The following PRR12 variants were observed in gnomAD, a reference collection of about 807,000 sequenced individuals.
PRR12 encodes the protein proline-rich protein 12.
A neutral mutation model predicts 138.0 loss-of-function variants in PRR12; 12 were observed. The ratio of observed to expected loss-of-function variants is 0.09; its 90% confidence interval spans 0.06 to 0.14. PRR12 has a LOEUF of 0.14. PRR12 is among the 10% of genes least tolerant of loss of function. PRR12 has a pLI of 1.00. For missense variants in PRR12, 2,692 were observed against 2,861.3 expected, an observed-to-expected ratio of 0.94 and a Z score of 1.35; for synonymous variants, 1,567 against 1,291.7, an observed-to-expected ratio of 1.21 and a Z score of -4.57.
chr19:49,616,113 G>A lies in PRR12; in HGVS notation c.5391G>A (p.Lys1797=). 1 of 1,567,646 alleles carries A rather than the reference G, an allele frequency of 6.4e-7. No individual in the cohort carries two copies. Among genetic ancestry groups the A allele is most frequent in the Non-Finnish European group, 8.6e-7 (1 of 1,156,848 alleles). ...TKVKAEPPPK[K]RKKWLKEAGG... is the part of the protein sequence containing the mutation. ...TGAAGGCTGAACCGCCCCCTAAGAA[G>A]AGGAAGAAATGGCTGAAGGAGGCAG... The change falls in exon 9 of 14, where the codon AAG becomes AAA. Residue 1797 remains lysine, a synonymous_variant. Coordinates refer to ENST00000418929, the MANE Select transcript of PRR12 (RefSeq NM_020719.3). This position sits in a 1 kb window ranked among gnomAD's most constrained non-coding sequence, Gnocchi z 4.2.
At chr19:49,605,017 A>G (rs922817422) in intron 6 of PRR12, among the ~76,000 whole-genome samples, 63 of 151,696 alleles carry the variant, frequency 4.2e-4, no homozygotes, top group African/African-American at 1.5e-3. Flanking sequence ...TGGTTGGCTA[A>G]ATTTTGTATT....
chr19:49,597,266 C>A lies in PRR12; in HGVS notation c.2931C>A (p.Gly977=). 1 of 1,570,356 alleles carries A rather than the reference C, an allele frequency of 6.4e-7. No homozygotes were observed. Among genetic ancestry groups the A allele is most frequent in the Non-Finnish European group, 8.6e-7 (1 of 1,159,046 alleles). The part of the protein sequence containing the change: ...PPEDEGDPKA[G]AGPPPGPPAY... ...AGGACGAGGGGGACCCCAAGGCTGG[C>A]GCTGGGCCACCCCCCGGCCCCCCTG... Residue 977 remains glycine (G), a synonymous_variant, in exon 4 of 14, where the codon GGC becomes GGA. Coordinates refer to ENST00000418929, the MANE Select transcript of PRR12 (RefSeq NM_020719.3). This position sits in a 1 kb window ranked among gnomAD's most constrained non-coding sequence, Gnocchi z 6.3.
chr19:49,611,163 A>G (rs112639952), intron 6 of PRR12, among the ~76,000 whole-genome samples: 2,809 of 152,166 alleles, frequency 0.018, 88 homozygotes, highest in African/African-American at 0.063. Flanking sequence ...TTGCCACAAA[A>G]AATACAAAAA....
rs780071942 is a variant in PRR12 at position 49,595,096 on chromosome 19, C to T, written c.761C>T (p.Ala254Val). The change falls in exon 4 of 14, where the codon GCC becomes GTC. Residue 254 changes from alanine (A) to valine (V), a missense_variant. By Grantham distance (64) the Ala-to-Val change is moderately conservative (BLOSUM62 0). Around this residue, in one of 11 missense-constraint regions of PRR12, gnomAD observed 523 missense variants for 496.4 expected, o/e 1.05. Coordinates refer to ENST00000418929, the MANE Select transcript of PRR12 (RefSeq NM_020719.3). ...QFNLLASSSA[A>V]AAAAEQSSPQ... is the part of the protein sequence containing the mutation. ...AACCTGCTGGCTTCCTCTTCCGCTG[C>T]CGCCGCCGCTGCCGAGCAGTCCTCC... 1 of 1,611,604 alleles carries T rather than the reference C, an allele frequency of 6.2e-7. No individual in the cohort carries two copies. Among genetic ancestry groups the T allele is most frequent in the East Asian group, 2.2e-5 (1 of 44,842 alleles).
Position 49,595,232 on chromosome 19 carries a change from G to GCCCCCC in PRR12, c.902_903insCCCCCC (p.Pro305_Pro306dup). ...ACTACCAGCGGCCAGCCAGTGCCCA[G>GCCCCCC]CCCCCACCACCCCCGCCACCAGCCC... is the stretch of plus-strand genomic sequence containing the variant. On this transcript the variant is annotated inframe_insertion, in exon 4 of 14. Transcript: ENST00000418929. The GCCCCCC allele has an allele frequency of 3.9e-6, 6 of 1,531,858 alleles. No individual in the cohort carries two copies. Among genetic ancestry groups the GCCCCCC allele is most frequent in the Non-Finnish European group, 5.3e-6 (6 of 1,132,764 alleles). 94.9% of individuals were successfully genotyped at this position (1,531,858 alleles called of 1,614,324 possible). A position where few individuals can be genotyped will look rare whatever the true frequency, so the allele number is the denominator to read the frequency against.
Position 49,625,073 on chromosome 19 carries a change from G to A in PRR12, c.5869-32G>A, listed in dbSNP as rs1157325761. 6.2e-7 allele frequency: 1 copy of A among 1,612,448 alleles called. No homozygotes were observed. Among genetic ancestry groups the A allele is most frequent in the East Asian group, 2.2e-5 (1 of 44,850 alleles). On this transcript the variant is annotated intron_variant, in intron 12 of 13. Coordinates refer to ENST00000418929, the MANE Select transcript of PRR12 (RefSeq NM_020719.3). This position sits in a 1 kb window ranked among gnomAD's most constrained non-coding sequence, Gnocchi z 5.5. Reference sequence around the variant, plus strand: ...GAGAGGGGCTGCCAAGTGCCGGGCTGGAGGGGCTGAGGCATCTCCACTCCT... The same window carrying A: ...GAGAGGGGCTGCCAAGTGCCGGGCTAGAGGGGCTGAGGCATCTCCACTCCT...
intron 4 of PRR12, among the ~76,000 whole-genome samples, chr19:49,598,323 C>T (rs919231627): frequency 3.3e-5 from 5 of 152,134 alleles, no homozygotes; most frequent in Non-Finnish European, 7.4e-5. Context: ...ATCCACCCGC[C>T]TCGGCCTCCC....
At position 49,596,863 on chromosome 19, in the gene PRR12, C is replaced by A; in HGVS notation, c.2528C>A (p.Pro843Gln). ...PQPPPPPPPPPPPMPLQLEAH... is the reference protein window; with the variant it reads ...PQPPPPPPPPQPPMPLQLEAH... ...CCACCTCCACCGCCACCCCCGCCTC[C>A]ACCACCCATGCCCCTGCAGCTCGAG... Residue 843 changes from proline to glutamine, a missense_variant, in exon 4 of 14, where the codon CCA becomes CAA. By Grantham distance (76) the Pro-to-Gln change is moderately conservative (BLOSUM62 -1). Coordinates refer to ENST00000418929, the MANE Select transcript of PRR12 (RefSeq NM_020719.3). The surrounding 1 kb of genome is among the most constrained non-coding windows in gnomAD (Gnocchi z 5.6). 1 of 1,573,620 alleles carries A rather than the reference C, an allele frequency of 6.4e-7. No homozygotes were observed.
At position 49,594,627 on chromosome 19, in the gene PRR12, G is replaced by T; in HGVS notation, c.361+12G>T. 2.5e-6 allele frequency: 4 copies of T among 1,611,068 alleles called. No individual in the cohort carries two copies. The East Asian group carries it at 8.9e-5, about 36-fold the overall frequency. ...TTCCTGGCAAACAGGTAAGCCCAGCGCCGGCCCTGCAGGGCCAGGGTGGGA... is the reference window on the plus strand; with the variant it reads ...TTCCTGGCAAACAGGTAAGCCCAGCTCCGGCCCTGCAGGGCCAGGGTGGGA... On this transcript the variant is annotated intron_variant, in intron 3 of 13. Transcript: ENST00000418929. The surrounding 1 kb of genome is among the most constrained non-coding windows in gnomAD (Gnocchi z 5.6).
At chr19:49,600,885 C>T (rs1328262305) in intron 5 of PRR12, among the ~76,000 whole-genome samples, 2 of 151,916 alleles carry the variant, frequency 1.3e-5, no homozygotes, top group African/African-American at 4.8e-5. Context: ...CCACCATGCC[C>T]AGCTAATTTT....
intron 6 of PRR12, among the ~76,000 whole-genome samples, chr19:49,603,885 A>G (rs570903699): frequency 3.3e-5 from 5 of 151,742 alleles, no homozygotes; most frequent in African/African-American, 7.3e-5. Flanking sequence ...CAGTGACGCA[A>G]TCTCGGCTTA....
Position 49,597,881 on chromosome 19 carries a change from G to A in PRR12, c.3546G>A (p.Pro1182=), listed in dbSNP as rs1233213870. ...GRPRIRPLEV[P]TTAGPASAST... is the part of the protein sequence containing the mutation. ...CCCGGATCCGCCCCCTGGAGGTCCC[G>A]ACCACTGCGGGGCCCGCCTCGGCCT... Residue 1182 remains proline (P), a synonymous_variant, in exon 4 of 14, where the codon CCG becomes CCA. Coordinates refer to ENST00000418929, the MANE Select transcript of PRR12 (RefSeq NM_020719.3). The surrounding 1 kb of genome is among the most constrained non-coding windows in gnomAD (Gnocchi z 6.3). The A allele has an allele frequency of 3.2e-5, 46 of 1,443,596 alleles. 1 individual carries two copies. In the South Asian group the frequency reaches 3.7e-4, roughly 12 times the overall value. 89.4% of individuals were successfully genotyped at this position (1,443,596 alleles called of 1,614,324 possible). A position where few individuals can be genotyped will look rare whatever the true frequency, so the allele number is the denominator to read the frequency against.
At chr19:49,602,952 T>C (rs990911307) in intron 6 of PRR12, among the ~76,000 whole-genome samples, 1 of 152,272 alleles carries the variant, frequency 6.6e-6, no homozygotes, top group African/African-American at 2.4e-5. Flanking sequence ...GCTTGAAAAC[T>C]ATGGCCCCTA....
chr19:49,615,300 AGACAGAGACCCAGAGAAAAAGAGG>A (rs1447557327), intron 8 of PRR12, among the ~76,000 whole-genome samples: 1 of 150,444 alleles, frequency 6.6e-6, no homozygotes, highest in African/African-American at 2.5e-5. Flanking sequence ...ACTCAGAAGG[AGACAGAGACCCAGAGAAAAAGAGG>A]GACAGAGATG....
At position 49,613,659 on chromosome 19, in the gene PRR12, C is replaced by T. The variant is rs1599798268; in HGVS notation, c.4774-874C>T. ...CTGGTGAAATGGTCTCAGGTAACCTCACCTGCCTGTTCTTGGCACAGGCCA... is the reference window on the plus strand; with the variant it reads ...CTGGTGAAATGGTCTCAGGTAACCTTACCTGCCTGTTCTTGGCACAGGCCA... On this transcript the variant is annotated intron_variant, in intron 6 of 13. Transcript: ENST00000418929. 2.0e-5 allele frequency among the ~76,000 whole-genome samples: 3 copies of T among 152,314 alleles called. No individual in the cohort carries two copies. The East Asian group carries it at 5.8e-4, about 29-fold the overall frequency.
intron 1 of PRR12, 119 bp downstream of exon 1, chr19:49,591,859 C>A: frequency 1.9e-6 from 1 of 538,508 alleles, no homozygotes; most frequent in African/African-American, 2.0e-5. Context: ...CTCCGGCTTG[C>A]AAGGGAGCGG....
intron 11 of PRR12, among the ~76,000 whole-genome samples, chr19:49,624,172 T>C (rs1286991784): frequency 1.3e-5 from 2 of 150,076 alleles, no homozygotes; most frequent in African/African-American, 2.5e-5. Context: ...GTGGTTACGA[T>C]GGGGCTGAGA....
chr19:49,600,735 C>T (rs2080805774), intron 5 of PRR12, among the ~76,000 whole-genome samples: 1 of 151,664 alleles, frequency 6.6e-6, no homozygotes, highest in South Asian at 2.1e-4. Context: ...CTCTATGTCA[C>T]CCAGGCTGGA....
At chr19:49,608,005 G>A (rs114785904) in intron 6 of PRR12, among the ~76,000 whole-genome samples, 4 of 151,932 alleles carry the variant, frequency 2.6e-5, no homozygotes, top group Non-Finnish European at 4.4e-5. Context: ...GGCAACAAGC[G>A]TGAAACTGAG....
Sources: gnomAD v4.1 joint callset for allele counts (sites outside exome capture counted in the v4.1 genomes callset) on GRCh38, gnomAD v4.1.1 for gene constraint, gnomAD v4.1.1 regional missense constraint, Gnocchi (gnomAD v3.1) non-coding constraint, MANE v1.5 for transcripts, NCBI Gene and HGNC (gene_info 2026-07-23, HGNC 2026-07-21) for gene names.